The following CFAP47 variants were observed in gnomAD, a reference collection of about 807,000 sequenced individuals.
CFAP47 encodes cilia and flagella associated protein 47.
A neutral mutation model predicts 148.1 loss-of-function variants in CFAP47; 29 were observed. That is an observed-to-expected ratio of 0.20 (90% confidence interval 0.15 to 0.27). The LOEUF is 0.27. Among genes scored for constraint, CFAP47 ranks in the 10% least tolerant of loss-of-function variants. CFAP47 has a pLI of 1.00. For missense variants in CFAP47, 1,872 were observed against 1,697.5 expected (o/e 1.10, Z -1.81); for synonymous variants, 664 against 577.3 (o/e 1.15, Z -2.15).
intron 48 of CFAP47, among the ~76,000 whole-genome samples, chrX:36,250,635 ATG>A (rs201354543): frequency 9.1e-6 from 1 of 109,983 alleles, no homozygotes; most frequent in Admixed American, 9.7e-5. Context: ...CCATTTCACA[ATG>A]TATATATATA....
chrX:35,995,273 A>G (rs1295643130), intron 18 of CFAP47, among the ~76,000 whole-genome samples: 3 of 111,684 alleles, frequency 2.7e-5, no homozygotes, highest in Non-Finnish European at 1.9e-5. Context: ...GATAGTGGGA[A>G]AAAATGTACT....
In CFAP47 at chrX:36,071,967, T is replaced by C; in HGVS notation, c.4461T>C (p.Phe1487=). The stretch of plus-strand genomic sequence containing the variant: ...CTGAACCTGCAAAGGGAAACTTATT[T>C]ATTGGTATGTAGCAAATATATAGTG... ...NDAEPAKGNL[F]IGVEVLPENL... The change falls in exon 28 of 64, where the codon TTT becomes TTC. Residue 1487 remains phenylalanine (F), a synonymous_variant. Transcript: ENST00000378653. The C allele has an allele frequency of 3.3e-6, 4 of 1,199,819 alleles. No individual in the cohort carries two copies. The highest frequency in any genetic ancestry group is 4.5e-6 in the Non-Finnish European group (4 of 888,123).
intron 17 of CFAP47, among the ~76,000 whole-genome samples, chrX:35,992,896 C>T (rs141497138): frequency 1.8e-3 from 205 of 110,826 alleles, no homozygotes; most frequent in African/African-American, 6.3e-3. Flanking sequence ...ACAGAAATAT[C>T]ATCTTTATAA....
chrX:36,049,486 TCTCA>T (rs1361342137), intron 26 of CFAP47, among the ~76,000 whole-genome samples: 49 of 64,543 alleles, frequency 7.6e-4, no homozygotes, highest in Admixed American at 6.9e-3. Context: ...TATTTCTCTC[TCTCA>T]CACACACACA....
chrX:36,065,792 T>C, intron 27 of CFAP47, 49 bp downstream of exon 27: 1 of 675,887 alleles, frequency 1.5e-6, no homozygotes, highest in Non-Finnish European at 2.3e-6. Context: ...GTATAGGTTC[T>C]TGGCCAACAT....
At chrX:36,369,932 G>A (rs782149120) in intron 62 of CFAP47, among the ~76,000 whole-genome samples, 1 of 111,363 alleles carries the variant, frequency 9.0e-6, no homozygotes, top group South Asian at 3.8e-4. Context: ...CCACAGTGGA[G>A]TATGCTAACT....
At chrX:36,377,619 A>T (rs1344977053) in intron 62 of CFAP47, among the ~76,000 whole-genome samples, 2 of 111,762 alleles carry the variant, frequency 1.8e-5, no homozygotes, top group Non-Finnish European at 3.8e-5. Flanking sequence ...AGGGACTGTT[A>T]TTGAATTTGT....
intron 48 of CFAP47, among the ~76,000 whole-genome samples, chrX:36,247,981 C>T (rs1029076301): frequency 3.6e-5 from 4 of 109,814 alleles, no homozygotes; most frequent in Non-Finnish European, 7.6e-5. Flanking sequence ...AAAATAGAGC[C>T]AAAGTGGCTG....
intron 1 of CFAP47, among the ~76,000 whole-genome samples, chrX:35,924,217 ATG>A (rs1935668140): frequency 1.9e-5 from 2 of 103,694 alleles, no homozygotes; most frequent in Non-Finnish European, 3.9e-5. Flanking sequence ...GTATGTGTGC[ATG>A]TATGTGTATA....
At chrX:36,215,461 G>C (rs5973613) in intron 45 of CFAP47, among the ~76,000 whole-genome samples, 35,852 of 108,231 alleles carry the variant, frequency 0.33, 6,667 homozygotes, top group African/African-American at 0.69. Flanking sequence ...AAGGAGCAGT[G>C]AAGGGGTTGG....
At chrX:35,972,566 C>T (rs1269974117) in intron 13 of CFAP47, among the ~76,000 whole-genome samples, 3 of 111,385 alleles carry the variant, frequency 2.7e-5, no homozygotes, top group Admixed American at 1.9e-4. Context: ...CTCAGACAAC[C>T]ATTAATCAAC....
In CFAP47 at chrX:35,951,860, A is replaced by C. The variant is rs1371154663; in HGVS notation, c.943A>C (p.Lys315Gln). 8.6e-7 allele frequency: 1 copy of C among 1,167,778 alleles called. No individual in the cohort carries two copies. Among genetic ancestry groups the C allele is most frequent in the Non-Finnish European group, 1.1e-6 (1 of 881,486 alleles). ...IALNNLTYIRKIKNIDTTIII... is the reference protein window; with the variant it reads ...IALNNLTYIRQIKNIDTTIII... ...TTTAAATAATCTCACCTACATAAGA[A>C]AAATAAAGAACATAGATACTACTAT... The change falls in exon 6 of 64, where the codon AAA becomes CAA. Residue 315 changes from lysine to glutamine, a missense_variant. Lys to Gln is a moderately conservative substitution (Grantham distance 53). Coordinates refer to ENST00000378653, the MANE Select transcript of CFAP47 (RefSeq NM_001304548.2).
chrX:36,118,010 G>C lies in CFAP47; in HGVS notation c.5320+13319G>C, dbSNP rs561058533. Reference sequence around the variant, plus strand: ...TATTGAAGAGACTCTCTTTTCCCCAGTGTATCTTCTTAACACCTTTCTCAA... The same window carrying C: ...TATTGAAGAGACTCTCTTTTCCCCACTGTATCTTCTTAACACCTTTCTCAA... On this transcript the variant is annotated intron_variant, in intron 33 of 63. Transcript: ENST00000378653. Among the ~76,000 whole-genome samples, 10 of 111,687 alleles carry C rather than the reference G, an allele frequency of 9.0e-5. No homozygotes were observed. In the South Asian group the frequency reaches 3.7e-3, roughly 42 times the overall value.
At chrX:36,104,970 T>G (rs1013435863) in intron 33 of CFAP47, among the ~76,000 whole-genome samples, 6 of 112,117 alleles carry the variant, frequency 5.4e-5, no homozygotes, top group Non-Finnish European at 1.1e-4. Flanking sequence ...CATTAATCAT[T>G]GCTGACATTT....
At chrX:36,201,002 C>G (rs1939974634) in intron 43 of CFAP47, among the ~76,000 whole-genome samples, 1 of 110,406 alleles carries the variant, frequency 9.1e-6, no homozygotes, top group Non-Finnish European at 1.9e-5. Context: ...GCACAATGGT[C>G]ACTGAATTTT....
At chrX:35,932,110 G>A in intron 2 of CFAP47, among the ~76,000 whole-genome samples, 1 of 105,721 alleles carries the variant, frequency 9.5e-6, no homozygotes, top group Non-Finnish European at 1.9e-5. Flanking sequence ...GTTCAGTGGT[G>A]TCAACATGGC....
At chrX:36,241,665 A>T (rs1940546322) in intron 48 of CFAP47, among the ~76,000 whole-genome samples, 1 of 111,707 alleles carries the variant, frequency 9.0e-6, no homozygotes, top group Admixed American at 9.5e-5. Flanking sequence ...GTACTGAGCC[A>T]ATATCTTTGG....
intron 15 of CFAP47, among the ~76,000 whole-genome samples, chrX:35,987,110 G>A (rs773354237): frequency 8.9e-6 from 1 of 111,873 alleles, no homozygotes; most frequent in African/African-American, 3.2e-5. Flanking sequence ...GAGGCAGTCT[G>A]TCCCTTAGCA....
chrX:36,117,510 G>T, intron 33 of CFAP47, among the ~76,000 whole-genome samples: 1 of 111,993 alleles, frequency 8.9e-6, no homozygotes, highest in Non-Finnish European at 1.9e-5. Flanking sequence ...CAATGATATT[G>T]AACACATTTT....
Sources: gnomAD v4.1 joint callset for allele counts (sites outside exome capture counted in the v4.1 genomes callset) on GRCh38, gnomAD v4.1.1 for gene constraint, MANE v1.5 for transcripts, NCBI Gene and HGNC (gene_info 2026-07-23, HGNC 2026-07-21) for gene names.